Variants in PPP4R1 observed in about 807,000 individuals in gnomAD.
The protein encoded by PPP4R1 is protein phosphatase 4 regulatory subunit 1.
A neutral mutation model predicts 111.2 loss-of-function variants in PPP4R1; 42 were observed. The observed-to-expected ratio is 0.38, with a 90% CI of 0.29 to 0.49. The LOEUF (loss-of-function observed/expected upper bound fraction) is 0.49, where lower values mean the gene tolerates loss of function less well. Ranked by LOEUF, PPP4R1 falls within the 20% of genes least tolerant of loss-of-function variation. The probability of loss-of-function intolerance (pLI) is 0.97; values close to 1 mark genes in which losing one functional copy is unlikely to be tolerated. For missense variants in PPP4R1, 1,012 were observed against 1,161.6 expected (o/e 0.87, Z 1.87); for synonymous variants, 409 against 405.5 (o/e 1.01, Z -0.10).
chr18:9,600,254 G>C (rs140137136), intron 2 of PPP4R1, among the ~76,000 whole-genome samples: 54 of 133,758 alleles, frequency 4.0e-4, no homozygotes, highest in Non-Finnish European at 7.5e-4. Flanking sequence ...AAACACACTA[G>C]AAGGTATAGC....
Position 9,550,194 on chromosome 18 carries a change from G to C in PPP4R1, c.2413-8C>G. The stretch of plus-strand genomic sequence containing the variant: ...CTTCACCATCTCGCTGACCTGGGAG[G>C]GTGAGCATGGAGAAATGAGGAACAG... On this transcript the variant is annotated splice_region_variant and splice_polypyrimidine_tract_variant and intron_variant, in intron 17 of 19. Transcript: ENST00000400556. 5.6e-6 allele frequency: 9 copies of C among 1,614,132 alleles called. No individual in the cohort carries two copies. The highest frequency in any genetic ancestry group is 7.6e-6 in the Non-Finnish European group (9 of 1,180,028).
Position 9,584,791 on chromosome 18 carries a change from A to C in PPP4R1, c.623T>G (p.Ile208Ser). 4 of 1,613,494 alleles carry C rather than the reference A, an allele frequency of 2.5e-6. No individual in the cohort carries two copies. Among genetic ancestry groups the C allele is most frequent in the Non-Finnish European group, 2.5e-6 (3 of 1,179,578 alleles). ...CKMAPMVGKD[I>S]TERLILPRFC... ...CCTAGGGAGGATAAGACGCTCTGTA[A>C]TATCCTTCCCAACCATGGGAGCCAT... Residue 208 changes from isoleucine to serine, a missense_variant, in exon 7 of 20, where the codon ATT becomes AGT. Ile to Ser is a moderately radical substitution (Grantham distance 142). Around this residue, in one of 2 missense-constraint regions of PPP4R1, gnomAD observed 707 missense variants for 742.1 expected, o/e 0.95. Transcript: ENST00000400556.
rs2066420143 is a variant in PPP4R1 at position 9,547,639 on chromosome 18, A to G, written c.*150T>C. The G allele has an allele frequency of 1.2e-6, 1 of 808,222 alleles. No homozygotes were observed. The highest frequency in any genetic ancestry group is 1.7e-5 in the South Asian group (1 of 57,644). 50.1% of individuals were successfully genotyped at this position (808,222 alleles called of 1,614,324 possible). ...TCTCTTGACTCTTGAAATCCCTGGT[A>G]TTGGGTGTAGGCAACTTGCACCTGC... On this transcript the variant is annotated 3_prime_UTR_variant, in exon 20 of 20. Transcript: ENST00000400556.
At chr18:9,589,007 A>C (rs775261731) in intron 4 of PPP4R1, among the ~76,000 whole-genome samples, 154 bp from the exon 5 acceptor site, 11 of 152,238 alleles carry the variant, frequency 7.2e-5, no homozygotes, top group Non-Finnish European at 1.3e-4. Context: ...CCTTTTCAGA[A>C]TCATACACAG....
intron 15 of PPP4R1, among the ~76,000 whole-genome samples, chr18:9,554,174 C>T (rs1444571142): frequency 6.7e-6 from 1 of 149,970 alleles, no homozygotes; most frequent in Non-Finnish European, 1.5e-5. Context: ...GTGGTCCAGG[C>T]TGGAGTGCAG....
intron 2 of PPP4R1, among the ~76,000 whole-genome samples, chr18:9,601,045 G>A (rs944635540): frequency 2.0e-5 from 3 of 152,098 alleles, no homozygotes; most frequent in African/African-American, 7.2e-5. Context: ...CACTGTAATA[G>A]CAGCAATAGC....
Position 9,570,316 on chromosome 18 carries a change from G to T in PPP4R1, c.1414C>A (p.Leu472Ile), listed in dbSNP as rs192659224. ...PLPEIDLDIE[L>I]EQNSGGKPSP... Reference sequence around the variant, plus strand: ...GGTTTTCCCCCAGAGTTCTGTTCAAGCTCTATGTCTAGATCTATTTCAGGA... The same window carrying T: ...GGTTTTCCCCCAGAGTTCTGTTCAATCTCTATGTCTAGATCTATTTCAGGA... Residue 472 changes from leucine to isoleucine, a missense_variant, in exon 11 of 20, where the codon CTT becomes ATT. Physicochemically the swap from Leu to Ile is conservative, Grantham distance 5. Coordinates refer to ENST00000400556, the MANE Select transcript of PPP4R1 (RefSeq NM_001042388.3). 6.8e-6 allele frequency: 11 copies of T among 1,612,310 alleles called. No individual in the cohort carries two copies. In the African/African-American group the frequency reaches 1.3e-4, roughly 20 times the overall value.
At chr18:9,580,567 G>A (rs917137389) in intron 9 of PPP4R1, among the ~76,000 whole-genome samples, 1 of 152,112 alleles carries the variant, frequency 6.6e-6, no homozygotes, top group African/African-American at 2.4e-5. Flanking sequence ...AGCCAGGATG[G>A]TCTTGATCTC....
rs2067063782 is a variant in PPP4R1 at position 9,583,409 on chromosome 18, C to A, written c.760-134G>T. On this transcript the variant is annotated intron_variant, in intron 8 of 19. Coordinates refer to ENST00000400556, the MANE Select transcript of PPP4R1 (RefSeq NM_001042388.3). ...TGAGACAGAGTCTCACTCTTTTGCC[C>A]AGGCTGGAGTGAGGTGGTGCGATCT... 7.4e-6 allele frequency: 7 copies of A among 948,656 alleles called. No homozygotes were observed. The South Asian group carries it at 2.0e-4, about 27-fold the overall frequency. The allele number at this position is 948,656 out of a possible 1,614,324, so 58.8% of individuals were successfully genotyped here.
intron 2 of PPP4R1, among the ~76,000 whole-genome samples, chr18:9,610,253 A>G (rs916584080): frequency 3.9e-5 from 6 of 152,336 alleles, no homozygotes; most frequent in African/African-American, 1.2e-4. Flanking sequence ...CTAAACATCT[A>G]CAATTTTGTA....
chr18:9,596,226 T>G (rs956803168), intron 2 of PPP4R1, among the ~76,000 whole-genome samples: 4 of 152,158 alleles, frequency 2.6e-5, no homozygotes, highest in African/African-American at 4.8e-5. Flanking sequence ...AAATATAAAT[T>G]GAAGTTTTAG....
chr18:9,616,847 T>A (rs1164491898), upstream of PPP4R1, among the ~76,000 whole-genome samples: 2 of 152,198 alleles, frequency 1.3e-5, no homozygotes, highest in African/African-American at 4.8e-5. Flanking sequence ...AGGAGGAGGA[T>A]CTGTATCATT....
At chr18:9,549,916 T>A (rs750184693) in intron 18 of PPP4R1, 136 bp downstream of exon 18, 150 of 1,307,928 alleles carry the variant, frequency 1.1e-4, no homozygotes, top group Non-Finnish European at 1.5e-4. Flanking sequence ...GGGCAGATGA[T>A]CCTATAAACA....
chr18:9,613,977 AAG>A, intron 2 of PPP4R1: 1 of 270,904 alleles, frequency 3.7e-6, no homozygotes, highest in Non-Finnish European at 6.9e-6. Context: ...GCGCCGGGAG[AAG>A]AGAGCGAAGG....
At chr18:9,576,774 A>T (rs1410407076) in intron 10 of PPP4R1, among the ~76,000 whole-genome samples, 3 of 152,222 alleles carry the variant, frequency 2.0e-5, no homozygotes, top group African/African-American at 7.2e-5. Flanking sequence ...TACTAAATAA[A>T]CATTTTTTAA....
At chr18:9,567,878 A>G (rs2066794671) in intron 11 of PPP4R1, among the ~76,000 whole-genome samples, 1 of 152,188 alleles carries the variant, frequency 6.6e-6, no homozygotes, top group Admixed American at 6.5e-5. Flanking sequence ...ATCCACCAAC[A>G]TTGAAGCAAG....
chr18:9,586,474 T>C (rs1053427598), intron 6 of PPP4R1, among the ~76,000 whole-genome samples: 3 of 152,154 alleles, frequency 2.0e-5, no homozygotes, highest in African/African-American at 7.2e-5. Flanking sequence ...TACAACTTTG[T>C]GAACATATTA....
intron 15 of PPP4R1, among the ~76,000 whole-genome samples, chr18:9,554,341 A>G (rs1006271765): frequency 2.0e-5 from 3 of 151,916 alleles, no homozygotes; most frequent in South Asian, 2.1e-4. Context: ...GTTAGCCAGG[A>G]TGGTCTCGAT....
intron 2 of PPP4R1, among the ~76,000 whole-genome samples, chr18:9,603,801 C>G (rs773080406): frequency 3.3e-5 from 5 of 152,102 alleles, no homozygotes; most frequent in Non-Finnish European, 5.9e-5. Context: ...TTAAATTTCT[C>G]TTTACCTATT....
Sources: allele counts gnomAD v4.1 joint callset (sites outside exome capture counted in the v4.1 genomes callset), GRCh38; gene constraint gnomAD v4.1.1; regional missense constraint gnomAD v4.1.1; transcripts MANE v1.5; gene names NCBI Gene and HGNC (gene_info 2026-07-23, HGNC 2026-07-21).